Variants in RAPGEFL1 observed in about 807,000 individuals in gnomAD.
RAPGEFL1 encodes rap guanine nucleotide exchange factor-like 1.
In RAPGEFL1, 31 loss-of-function variants were observed where a neutral mutation model predicts 64.4. The ratio of observed to expected loss-of-function variants is 0.48; its 90% CI spans 0.36 to 0.65. The LOEUF is 0.65. RAPGEFL1 is among the 30% of genes least tolerant of loss of function. The pLI is 0.00. For synonymous variants in RAPGEFL1, 331 were observed against 274.1 expected (o/e 1.21, Z -2.05); for missense variants, 682 against 677.4 (o/e 1.01, Z -0.08).
intron 12 of RAPGEFL1, 85 bp from the exon 13 acceptor site, chr17:40,192,841 A>G (rs567020293): frequency 1.4e-6 from 2 of 1,382,864 alleles, no homozygotes; most frequent in African/African-American, 2.9e-5. Context: ...GGTTCTGGGG[A>G]AGAGCGGGGT....
intron 3 of RAPGEFL1, 111 bp from the exon 4 acceptor site, chr17:40,184,470 C>G (rs1989998578): frequency 8.7e-7 from 1 of 1,153,350 alleles, no homozygotes; most frequent in Non-Finnish European, 1.2e-6. Context: ...GGGGCCTTAG[C>G]TTATATGGCT....
chr17:40,194,173 C>G lies in RAPGEFL1; in HGVS notation c.*385C>G. ...TGGGAGGGATTGGCAGCCTTCTTCT[C>G]CACCACCTGTCCAGCTTCTTCCTGG... On this transcript the variant is annotated 3_prime_UTR_variant, in exon 15 of 15. Transcript: ENST00000620260. 1 of 225,918 alleles carries G rather than the reference C, an allele frequency of 4.4e-6. No homozygotes were observed. Among genetic ancestry groups the G allele is most frequent in the Non-Finnish European group, 8.8e-6 (1 of 113,064 alleles). The allele number at this position is 225,918 out of a possible 1,614,324, so 14.0% of individuals were successfully genotyped here. A position where few individuals can be genotyped will look rare whatever the true frequency, so the allele number is the denominator to read the frequency against.
intron 13 of RAPGEFL1, 110 bp from the exon 14 acceptor site, chr17:40,193,253 A>T (rs1990340072): frequency 1.6e-6 from 2 of 1,236,392 alleles, no homozygotes; most frequent in Middle Eastern, 2.4e-4. Flanking sequence ...ACCCTCCAGA[A>T]TTGGAGACTG....
At chr17:40,188,713 C>T (rs143627858) in intron 4 of RAPGEFL1, 153 bp from the exon 5 acceptor site, 11,071 of 647,156 alleles carry the variant, frequency 0.017, 250 homozygotes, top group Non-Finnish European at 0.017. Context: ...CCATACTGCT[C>T]ATTGTCCTCT....
Position 40,177,548 on chromosome 17 carries a change from C to T in RAPGEFL1, c.-314C>T, listed in dbSNP as rs1382990017. The stretch of plus-strand genomic sequence containing the variant: ...TCCTCTCAGCCTTGCGCTCCGCCCG[C>T]TGCCTCTGCCGCCGCAGCGCAGAGC... On this transcript the variant is annotated 5_prime_UTR_variant, in exon 1 of 15. Coordinates refer to ENST00000620260, the MANE Select transcript of RAPGEFL1 (RefSeq NM_016339.6). 1.9e-6 allele frequency: 1 copy of T among 520,888 alleles called. No individual in the cohort carries two copies. The highest frequency in any genetic ancestry group is 3.3e-6 in the Non-Finnish European group (1 of 298,564). The allele number at this position is 520,888 out of a possible 1,614,324, so 32.3% of individuals were successfully genotyped here.
chr17:40,182,278 G>A (rs1989917750), intron 2 of RAPGEFL1, among the ~76,000 whole-genome samples: 1 of 152,004 alleles, frequency 6.6e-6, no homozygotes, highest in Non-Finnish European at 1.5e-5. Flanking sequence ...GGAGTGCTTT[G>A]GAGGCTGCAG....
chr17:40,177,503 C>T lies in RAPGEFL1; in HGVS notation c.-359C>T. The T allele has an allele frequency of 1.7e-6, 1 of 585,306 alleles. No homozygotes were observed. The highest frequency in any genetic ancestry group is 3.0e-6 in the Non-Finnish European group (1 of 333,152). The allele number at this position is 585,306 out of a possible 1,614,324, so 36.3% of individuals were successfully genotyped here. On this transcript the variant is annotated 5_prime_UTR_variant, in exon 1 of 15. Coordinates refer to ENST00000620260, the MANE Select transcript of RAPGEFL1 (RefSeq NM_016339.6). ...CTCTTCACGGCCAGGAGCGCAGCCG[C>T]CGCCGCCGCCGCCGCCGCGTCCTCT... is the stretch of plus-strand genomic sequence containing the variant.
intron 2 of RAPGEFL1, among the ~76,000 whole-genome samples, chr17:40,183,819 C>G (rs1989969333): frequency 7.4e-6 from 1 of 134,304 alleles, no homozygotes; most frequent in Non-Finnish European, 1.6e-5. Context: ...CCGCGCCTGG[C>G]CTTTTTTTTT....
chr17:40,179,273 AGCC>A (rs1031646464), intron 1 of RAPGEFL1, among the ~76,000 whole-genome samples: 2 of 152,118 alleles, frequency 1.3e-5, no homozygotes, highest in Non-Finnish European at 2.9e-5. Flanking sequence ...TCACCGTGTT[AGCC>A]AGGATGGTCT....
At chr17:40,186,454 G>C (rs1990075400) in intron 4 of RAPGEFL1, among the ~76,000 whole-genome samples, 1 of 151,250 alleles carries the variant, frequency 6.6e-6, no homozygotes, top group Non-Finnish European at 1.5e-5. Flanking sequence ...TGCAGTCCCA[G>C]CTACTCGGGA....
intron 5 of RAPGEFL1, 21 bp from the exon 6 acceptor site, chr17:40,189,187 C>G: frequency 6.2e-7 from 1 of 1,613,050 alleles, no homozygotes; most frequent in Non-Finnish European, 8.5e-7. Context: ...TGTTGAAAGC[C>G]ATTTTCCTGT....
chr17:40,184,499 T>A, intron 3 of RAPGEFL1, 82 bp from the exon 4 acceptor site: 1 of 1,137,136 alleles, frequency 8.8e-7, no homozygotes, highest in South Asian at 1.5e-5. Flanking sequence ...CTTAAAGGTA[T>A]GGAGACCTTG....
At position 40,192,648 on chromosome 17, in the gene RAPGEFL1, A is replaced by G; in HGVS notation, c.1699A>G (p.Lys567Glu). The G allele has an allele frequency of 6.2e-7, 1 of 1,613,996 alleles. No homozygotes were observed. The highest frequency in any genetic ancestry group is 8.5e-7 in the Non-Finnish European group (1 of 1,179,954). The change falls in exon 12 of 15, where the codon AAA (lysine) becomes GAA (glutamate). Residue 567 changes from lysine to glutamate, a missense_variant. By Grantham distance (56) the Lys-to-Glu change is moderately conservative. Coordinates refer to ENST00000620260, the MANE Select transcript of RAPGEFL1 (RefSeq NM_016339.6). The stretch of plus-strand genomic sequence containing the variant: ...CAAAAGCTACCGAGAAGTGATCTCC[A>G]AAATGAAGCCCCCTGTGATTCCCTT... The part of the protein sequence containing the change: ...NHKSYREVIS[K>E]MKPPVIPFVP...
chr17:40,190,671 C>A lies in RAPGEFL1; in HGVS notation c.1244C>A (p.Pro415His), dbSNP rs375868294. 5 of 1,614,164 alleles carry A rather than the reference C, an allele frequency of 3.1e-6. No individual in the cohort carries two copies. Among genetic ancestry groups the A allele is most frequent in the Non-Finnish European group, 3.4e-6 (4 of 1,180,030 alleles). The change falls in exon 8 of 15, where the codon CCT becomes CAT. Residue 415 changes from proline to histidine, a missense_variant. This residue lies in a region of RAPGEFL1 where 411 missense variants were observed against 519.4 expected (regional missense o/e 0.79). Coordinates refer to ENST00000620260, the MANE Select transcript of RAPGEFL1 (RefSeq NM_016339.6). ...CTCCCCGAGGAGATCCAGGTCTCCCCTGGAGACACAGAGATCCACCGAGTG... is the reference window on the plus strand; with the variant it reads ...CTCCCCGAGGAGATCCAGGTCTCCCATGGAGACACAGAGATCCACCGAGTG... ...VPLPEEIQVS[P>H]GDTEIHRVEP...
upstream of RAPGEFL1, chr17:40,177,249 C>T: frequency 1.4e-6 from 1 of 702,570 alleles, no homozygotes; most frequent in East Asian, 2.7e-5. Flanking sequence ...ATGCTGAGAC[C>T]CGGTTATCCC....
At chr17:40,180,380 G>A (rs1461311323) in intron 1 of RAPGEFL1, among the ~76,000 whole-genome samples, 1 of 152,032 alleles carries the variant, frequency 6.6e-6, no homozygotes, top group Non-Finnish European at 1.5e-5. Context: ...ACTAGTTTGG[G>A]AAATTCCAAA....
intron 4 of RAPGEFL1, 115 bp downstream of exon 4, chr17:40,184,793 G>A: frequency 1.5e-6 from 1 of 668,274 alleles, no homozygotes; most frequent in Admixed American, 3.2e-5. Context: ...TTGTTTGTTT[G>A]TTTTGAGACA....
Position 40,193,924 on chromosome 17 carries a change from T to C in RAPGEFL1, c.*136T>C. 3 of 1,222,340 alleles carry C rather than the reference T, an allele frequency of 2.5e-6. No homozygotes were observed. The highest frequency in any genetic ancestry group is 5.0e-5 in the Admixed American group (2 of 39,706). 75.7% of individuals were successfully genotyped at this position (1,222,340 alleles called of 1,614,324 possible). A position where few individuals can be genotyped will look rare whatever the true frequency, so the allele number is the denominator to read the frequency against. On this transcript the variant is annotated 3_prime_UTR_variant, in exon 15 of 15. Coordinates refer to ENST00000620260, the MANE Select transcript of RAPGEFL1 (RefSeq NM_016339.6). Reference sequence around the variant, plus strand: ...TCCACGGGAAAGAGGTCGATGGATTTACCCCTGGACCCATAAGTCTGTTCA... The same window carrying C: ...TCCACGGGAAAGAGGTCGATGGATTCACCCCTGGACCCATAAGTCTGTTCA...
intron 3 of RAPGEFL1, 55 bp downstream of exon 3, chr17:40,184,404 C>T: frequency 2.7e-6 from 4 of 1,494,300 alleles, no homozygotes; most frequent in Non-Finnish European, 3.6e-6. Flanking sequence ...TGGAAGGGGG[C>T]CCCTGTGAAG....
Sources: allele counts gnomAD v4.1 joint callset (sites outside exome capture counted in the v4.1 genomes callset), GRCh38; gene constraint gnomAD v4.1.1; regional missense constraint gnomAD v4.1.1; transcripts MANE v1.5; gene names NCBI Gene and HGNC (gene_info 2026-07-23, HGNC 2026-07-21).